Variants in IGFN1 observed in about 807,000 individuals in gnomAD.
The protein encoded by IGFN1 is immunoglobulin-like and fibronectin type III domain-containing protein 1.
Under a neutral mutation model 289.5 loss-of-function variants are expected in IGFN1, and 253 were observed. The observed-to-expected ratio is 0.87, with a 90% CI of 0.79 to 0.97. The LOEUF (loss-of-function observed/expected upper bound fraction) is 0.97, where lower values mean the gene tolerates loss of function less well. Ranked by LOEUF, IGFN1 falls within the 50% of genes least tolerant of loss-of-function variation. The pLI, the probability that IGFN1 is intolerant of heterozygous loss-of-function variation, is 0.00. For missense variants in IGFN1, 4,470 were observed against 4,686.1 expected (o/e 0.95, Z 1.35); for synonymous variants, 1,706 against 1,788.5 (o/e 0.95, Z 1.16).
Position 201,208,941 on chromosome 1 carries a change from A to G in IGFN1, c.4048A>G (p.Arg1350Gly), listed in dbSNP as rs1667571449. ...TTATAGGGGTGGTTTACAGGATTCC[A>G]GGGAAGCGGGTTCAGGGAGCAAGGC... Reference protein sequence around the residue: ...ADYRGGLQDSREAGSGSKADY... With the variant: ...ADYRGGLQDSGEAGSGSKADY... Residue 1350 changes from arginine to glycine, a missense_variant, in exon 12 of 24, where the codon AGG becomes GGG. By Grantham distance (125) the Arg-to-Gly change is moderately radical. Transcript: ENST00000335211. 4 of 1,532,312 alleles carry G rather than the reference A, an allele frequency of 2.6e-6. No homozygotes were observed. The highest frequency in any genetic ancestry group is 3.5e-6 in the Non-Finnish European group (4 of 1,145,266). The allele number at this position is 1,532,312 out of a possible 1,614,324, so 94.9% of individuals were successfully genotyped here. A position where few individuals can be genotyped will look rare whatever the true frequency, so the allele number is the denominator to read the frequency against.
rs1667534990 is a variant in IGFN1, at chr1:201,208,308, G to C, written c.3415G>C (p.Gly1139Arg). ...AGAGGCCCTGGGGGCCTTTGGAGAAGGAGGCTATGAAGATGGCTCTGGGGG... is the reference window on the plus strand; with the variant it reads ...AGAGGCCCTGGGGGCCTTTGGAGAACGAGGCTATGAAGATGGCTCTGGGGG... ...ASEALGAFGE[G>R]GYEDGSGGPG... Residue 1139 changes from glycine (G) to arginine (R), a missense_variant, in exon 12 of 24, where the codon GGA (glycine) becomes CGA (arginine). By Grantham distance (125) the Gly-to-Arg change is moderately radical. Coordinates refer to ENST00000335211, the MANE Select transcript of IGFN1 (RefSeq NM_001164586.2). 6.6e-7 allele frequency: 1 copy of C among 1,524,124 alleles called. No homozygotes were observed. Among genetic ancestry groups the C allele is most frequent in the Admixed American group, 2.1e-5 (1 of 48,040 alleles). The allele number at this position is 1,524,124 out of a possible 1,614,324, so 94.4% of individuals were successfully genotyped here. A position where few individuals can be genotyped will look rare whatever the true frequency, so the allele number is the denominator to read the frequency against.
rs754573242 is a variant in IGFN1 at position 201,215,610 on chromosome 1, G to C, written c.9067G>C (p.Val3023Leu). 8 of 1,613,424 alleles carry C rather than the reference G, an allele frequency of 5.0e-6. No homozygotes were observed. Among genetic ancestry groups the C allele is most frequent in the African/African-American group, 1.3e-5 (1 of 74,918 alleles). ...EPLVVKAGKP[V>L]IVKIPFQSHL... ...ACTGGTGGTCAAGGCTGGGAAGCCG[G>C]TGATAGTGAAGATCCCCTTCCAGAG... The change falls in exon 15 of 24, where the codon GTG becomes CTG. Residue 3023 changes from valine to leucine, a missense_variant. Physicochemically the swap from Val to Leu is conservative, Grantham distance 32 (BLOSUM62 1). Coordinates refer to ENST00000335211, the MANE Select transcript of IGFN1 (RefSeq NM_001164586.2).
At chr1:201,199,781 A>G in intron 7 of IGFN1, 127 bp downstream of exon 7, 1 of 732,694 alleles carries the variant, frequency 1.4e-6, no homozygotes, top group South Asian at 1.9e-5. Context: ...GACTGCCAGT[A>G]GCAGATGGGA....
rs1371655418 is a variant in IGFN1, at chr1:201,194,288, G to A, written c.127+15G>A. On this transcript the variant is annotated intron_variant, in intron 3 of 23. Transcript: ENST00000335211. Reference sequence around the variant, plus strand: ...TCTGCCAGAGGGTGAGCCCAGAGGGGAGCTGCGGAGGGGAGGCAAGATTCT... The same window carrying A: ...TCTGCCAGAGGGTGAGCCCAGAGGGAAGCTGCGGAGGGGAGGCAAGATTCT... The A allele has an allele frequency of 1.5e-5, 24 of 1,550,632 alleles. No homozygotes were observed. The highest frequency in any genetic ancestry group is 2.1e-5 in the Non-Finnish European group (24 of 1,146,660).
chr1:201,208,125 G>A lies in IGFN1; in HGVS notation c.3232G>A (p.Gly1078Arg), dbSNP rs922921755. ...RGGHHSDGGL[G>R]SPGVTGSAGR... Reference sequence around the variant, plus strand: ...AGGGCACCATTCAGATGGTGGCCTAGGGAGTCCTGGGGTGACAGGGTCTGC... The same window carrying A: ...AGGGCACCATTCAGATGGTGGCCTAAGGAGTCCTGGGGTGACAGGGTCTGC... The change falls in exon 12 of 24, where the codon GGG (glycine) becomes AGG (arginine). Residue 1078 changes from glycine to arginine, a missense_variant. Gly to Arg is a moderately radical substitution (Grantham distance 125). Coordinates refer to ENST00000335211, the MANE Select transcript of IGFN1 (RefSeq NM_001164586.2). The A allele has an allele frequency of 6.5e-7, 1 of 1,536,794 alleles. No individual in the cohort carries two copies. The highest frequency in any genetic ancestry group is 1.4e-5 in the African/African-American group (1 of 73,016).
chr1:201,200,706 C>A (rs957565463), intron 8 of IGFN1, among the ~76,000 whole-genome samples: 1 of 152,066 alleles, frequency 6.6e-6, no homozygotes, highest in Non-Finnish European at 1.5e-5. Flanking sequence ...GTCATGCCTA[C>A]CTTGTAGGGT....
rs557342639 is a variant in IGFN1, at chr1:201,227,402, A to G, written c.11113+194A>G. The stretch of plus-strand genomic sequence containing the variant: ...GCCCACATGTGGTCTTTATTTGCCC[A>G]CTTTTTAAAAAATTTATTTTTATTT... On this transcript the variant is annotated intron_variant, in intron 23 of 23. Transcript: ENST00000335211. Among the ~76,000 whole-genome samples the G allele has an allele frequency of 3.5e-4, 53 of 149,336 alleles. No individual in the cohort carries two copies. The South Asian group carries it at 0.01, about 29-fold the overall frequency.
At position 201,215,850 on chromosome 1, in the gene IGFN1, G is replaced by A. The variant is rs1335657875; in HGVS notation, c.9295+12G>A. Reference sequence around the variant, plus strand: ...TCTGCAAGTCATAGGTACCAGCCCTGTCTTCCCCCAACTAAGGCCTGAGAG... The same window carrying A: ...TCTGCAAGTCATAGGTACCAGCCCTATCTTCCCCCAACTAAGGCCTGAGAG... On this transcript the variant is annotated intron_variant, in intron 15 of 23. Transcript: ENST00000335211. 5 of 1,605,440 alleles carry A rather than the reference G, an allele frequency of 3.1e-6. No individual in the cohort carries two copies. Among genetic ancestry groups the A allele is most frequent in the Non-Finnish European group, 4.3e-6 (5 of 1,176,432 alleles).
In IGFN1 at chr1:201,206,832, GA is replaced by G; in HGVS notation, c.1942del (p.Arg648GlyfsTer5). On this transcript the variant is annotated frameshift_variant, in exon 12 of 24. Coordinates refer to ENST00000335211, the MANE Select transcript of IGFN1 (RefSeq NM_001164586.2). LOFTEE classifies it high-confidence loss of function. The stretch of plus-strand genomic sequence containing the variant: ...GGACAGAGGGGATGCTCCAAGTAGG[GA>G]AAGGGGGAGAGGAATAGTAGTGTGG... The part of the protein sequence containing the change: ...EMDRGDAPSR[E>X]RGRGIVVWGG... The G allele has an allele frequency of 1.3e-6, 2 of 1,536,926 alleles. No individual in the cohort carries two copies. The highest frequency in any genetic ancestry group is 1.7e-6 in the Non-Finnish European group (2 of 1,146,882).
intron 4 of IGFN1, among the ~76,000 whole-genome samples, chr1:201,196,356 T>C (rs978307131): frequency 1.3e-5 from 2 of 152,090 alleles, no homozygotes; most frequent in Non-Finnish European, 2.9e-5. Flanking sequence ...TTGTTATGAG[T>C]TGTTGTTGAG....
At position 201,206,935 on chromosome 1, in the gene IGFN1, G is replaced by T. The variant is rs1324186913; in HGVS notation, c.2042G>T (p.Gly681Val). 6.5e-7 allele frequency: 1 copy of T among 1,536,508 alleles called. No homozygotes were observed. The highest frequency in any genetic ancestry group is 2.4e-5 in the East Asian group (1 of 40,902). The change falls in exon 12 of 24, where the codon GGA becomes GTA. Residue 681 changes from glycine to valine, a missense_variant. Physicochemically the swap from Gly to Val is moderately radical, Grantham distance 109 (BLOSUM62 -3). Transcript: ENST00000335211. ...CCTGGCACCCTGGAGCTTACTGGAG[G>T]AAGAGGTTCTGGCTCCAAGGTGGGC... ...GGPGTLELTG[G>V]RGSGSKVGMA...
In IGFN1 at chr1:201,221,631, G is replaced by A. The variant is rs368398343; in HGVS notation, c.10086G>A (p.Thr3362=). ...HVGTVPVTTY[T]AKGLRPGEGY... ...GCACCGTGCCAGTCACCACCTACAC[G>A]GCCAAGGGGCTTCGGCCTGGAGAGG... is the stretch of plus-strand genomic sequence containing the variant. The change falls in exon 19 of 24, where the codon ACG becomes ACA. Residue 3362 remains threonine (T), a synonymous_variant. Coordinates refer to ENST00000335211, the MANE Select transcript of IGFN1 (RefSeq NM_001164586.2). The A allele has an allele frequency of 2.5e-5, 41 of 1,614,120 alleles. No homozygotes were observed. Among genetic ancestry groups the A allele is most frequent in the Admixed American group, 1.2e-4 (7 of 60,014 alleles).
chr1:201,208,638 G>A lies in IGFN1; in HGVS notation c.3745G>A (p.Glu1249Lys), dbSNP rs1349447117. 4 of 1,532,838 alleles carry A rather than the reference G, an allele frequency of 2.6e-6. No individual in the cohort carries two copies. The South Asian group carries it at 4.8e-5, about 18-fold the overall frequency. The allele number at this position is 1,532,838 out of a possible 1,614,324, so 95.0% of individuals were successfully genotyped here. A position where few individuals can be genotyped will look rare whatever the true frequency, so the allele number is the denominator to read the frequency against. The change falls in exon 12 of 24, where the codon GAG becomes AAG. Residue 1249 changes from glutamate (E) to lysine (K), a missense_variant. Coordinates refer to ENST00000335211, the MANE Select transcript of IGFN1 (RefSeq NM_001164586.2). ...LGPRSTGPGG[E>K]AGFRDGSGGL... ...GCCTAGGAGTACAGGGCCAGGGGGT[G>A]AGGCAGGCTTTAGAGATGGTTCAGG...
At position 201,201,060 on chromosome 1, in the gene IGFN1, T is replaced by C. The variant is rs1667130200; in HGVS notation, c.633+649T>C. 2.6e-5 allele frequency among the ~76,000 whole-genome samples: 4 copies of C among 152,076 alleles called. No homozygotes were observed. The South Asian group carries it at 8.3e-4, about 32-fold the overall frequency. ...GTTAGCCAGGATGATCTCGATCTCC[T>C]GACCTCGTGATCCGCCTGCCTCGGC... On this transcript the variant is annotated intron_variant, in intron 8 of 23. Transcript: ENST00000335211.
rs565651449 is a variant in IGFN1 at position 201,211,990 on chromosome 1, G to A, written c.7097G>A (p.Gly2366Glu). 34 of 1,535,784 alleles carry A rather than the reference G, an allele frequency of 2.2e-5. No individual in the cohort carries two copies. In the African/African-American group the frequency reaches 4.0e-4, roughly 18 times the overall value. ...MGYGDGSGRL[G>E]VPGSLAGIGH... is the part of the protein sequence containing the mutation. The stretch of plus-strand genomic sequence containing the variant: ...TATGGAGATGGTTCAGGGAGGCTTG[G>A]AGTACCAGGCTCACTGGCTGGAATA... Residue 2366 changes from glycine (G) to glutamate (E), a missense_variant, in exon 12 of 24, where the codon GGA becomes GAA. Physicochemically the swap from Gly to Glu is moderately conservative, Grantham distance 98 (BLOSUM62 -2). Around this residue, in one of 8 missense-constraint regions of IGFN1, gnomAD observed 2,218 missense variants for 2,114.1 expected, o/e 1.05. Coordinates refer to ENST00000335211, the MANE Select transcript of IGFN1 (RefSeq NM_001164586.2).
intron 19 of IGFN1, chr1:201,222,277 C>G (rs771644986): frequency 1.0e-4 from 16 of 158,970 alleles, no homozygotes; most frequent in Non-Finnish European, 1.8e-4. Context: ...CTGGGCCACC[C>G]CAGCTGACCC....
Position 201,205,300 on chromosome 1 carries a change from C to T in IGFN1, c.1135C>T (p.Pro379Ser). ...GGGGGCACGTTTCTCAGACATGGGC[C>T]CCTATTCGCTGGGCACCGGGCTCTA... is the stretch of plus-strand genomic sequence containing the variant. ...VRGARFSDMG[P>S]YSLGTGLYTS... is the part of the protein sequence containing the mutation. The change falls in exon 11 of 24, where the codon CCC (proline) becomes TCC (serine). Residue 379 changes from proline (P) to serine (S), a missense_variant. This residue lies in a region of IGFN1 where 2,011 missense variants were observed against 1,953.4 expected (regional missense o/e 1.03). Coordinates refer to ENST00000335211, the MANE Select transcript of IGFN1 (RefSeq NM_001164586.2). 1 of 1,508,072 alleles carries T rather than the reference C, an allele frequency of 6.6e-7. No homozygotes were observed. The allele number at this position is 1,508,072 out of a possible 1,614,324, so 93.4% of individuals were successfully genotyped here. A position where few individuals can be genotyped will look rare whatever the true frequency, so the allele number is the denominator to read the frequency against.
rs1006198287 is a variant in IGFN1 at position 201,228,767 on chromosome 1, G to T, written c.*368G>T. On this transcript the variant is annotated 3_prime_UTR_variant, in exon 24 of 24. Transcript: ENST00000335211. The stretch of plus-strand genomic sequence containing the variant: ...GCCGTTTGGAGGGAGGGTGGGCACA[G>T]CTGGGCCTGCTGTGACCACTGGGAG... The T allele has an allele frequency of 2.2e-5, 6 of 274,430 alleles. No homozygotes were observed. Among genetic ancestry groups the T allele is most frequent in the Admixed American group, 4.7e-5 (1 of 21,200 alleles). The allele number at this position is 274,430 out of a possible 1,614,324, so 17.0% of individuals were successfully genotyped here.
Position 201,213,478 on chromosome 1 carries a change from GC to G in IGFN1, c.8587del (p.Arg2863GlyfsTer123). On this transcript the variant is annotated frameshift_variant, in exon 12 of 24. Coordinates refer to ENST00000335211, the MANE Select transcript of IGFN1 (RefSeq NM_001164586.2). LOFTEE classifies it high-confidence loss of function. ...GAGGAGATGCTGAATGAAGATCAGA[GC>G]CGGGAGCCCCCTGGTCACCTTGGTA... ...CLEEMLNEDQ[S>X]REPPGHLGSR... The G allele has an allele frequency of 6.2e-7, 1 of 1,614,088 alleles. No homozygotes were observed. Among genetic ancestry groups the G allele is most frequent in the South Asian group, 1.1e-5 (1 of 91,080 alleles).
Sources: allele counts gnomAD v4.1 joint callset (sites outside exome capture counted in the v4.1 genomes callset), GRCh38; gene constraint gnomAD v4.1.1; regional missense constraint gnomAD v4.1.1; transcripts MANE v1.5; gene names NCBI Gene and HGNC (gene_info 2026-07-23, HGNC 2026-07-21).